The following NSMCE2 variants were observed in gnomAD, a reference collection of about 807,000 sequenced individuals.
NSMCE2 encodes E3 SUMO-protein ligase NSE2.
NSMCE2 carries 24 observed loss-of-function variants against 23.8 expected under a neutral mutation model. The observed-to-expected ratio is 1.01, with a 90% confidence interval of 0.73 to 1.42. The LOEUF (loss-of-function observed/expected upper bound fraction) is 1.42. Among genes scored for constraint, NSMCE2 ranks in the 40% most tolerant of loss-of-function variants. The pLI is 0.00. For missense variants in NSMCE2, 284 were observed against 296.5 expected, an observed-to-expected ratio of 0.96 and a Z score of 0.31; for synonymous variants, 92 against 94.1, an observed-to-expected ratio of 0.98 and a Z score of 0.13.
intron 5 of NSMCE2, among the ~76,000 whole-genome samples, chr8:125,332,577 T>C (rs535602444): frequency 6.6e-6 from 1 of 152,354 alleles, no homozygotes; most frequent in South Asian, 2.1e-4. Flanking sequence ...AACAGGTTCT[T>C]AGGTTAGTTC....
intron 5 of NSMCE2, among the ~76,000 whole-genome samples, chr8:125,302,694 G>A (rs541402627): frequency 6.6e-6 from 1 of 152,296 alleles, no homozygotes; most frequent in East Asian, 1.9e-4. Context: ...AAAGGACCCT[G>A]AGACAGAGGG....
chr8:125,098,833 C>T (rs1323162743), intron 1 of NSMCE2, among the ~76,000 whole-genome samples: 1 of 151,950 alleles, frequency 6.6e-6, no homozygotes, highest in Non-Finnish European at 1.5e-5. Context: ...GTGGGCCTTC[C>T]ATGTTGGACG....
At chr8:125,144,978 A>G (rs1295609759) in intron 3 of NSMCE2, among the ~76,000 whole-genome samples, 1 of 152,174 alleles carries the variant, frequency 6.6e-6, no homozygotes. Flanking sequence ...CTTAGATTGC[A>G]TAATTATAGG....
chr8:125,126,329 C>T (rs1473040090), intron 3 of NSMCE2, among the ~76,000 whole-genome samples: 2 of 151,544 alleles, frequency 1.3e-5, no homozygotes, highest in African/African-American at 4.9e-5. Context: ...CGAGATTGCG[C>T]CATAGCACTC....
chr8:125,196,393 C>G (rs1366397420), intron 5 of NSMCE2, among the ~76,000 whole-genome samples: 2 of 152,028 alleles, frequency 1.3e-5, no homozygotes, highest in Non-Finnish European at 2.9e-5. Flanking sequence ...GTGATGTTCC[C>G]CGCCCTGTGT....
At chr8:125,332,588 T>C (rs1215952496) in intron 5 of NSMCE2, among the ~76,000 whole-genome samples, 1 of 152,260 alleles carries the variant, frequency 6.6e-6, no homozygotes, top group Non-Finnish European at 1.5e-5. Context: ...AGGTTAGTTC[T>C]TTCCTTGTTA....
intron 5 of NSMCE2, among the ~76,000 whole-genome samples, chr8:125,196,452 A>G (rs1337817214): frequency 1.3e-5 from 2 of 151,868 alleles, no homozygotes; most frequent in Non-Finnish European, 2.9e-5. Flanking sequence ...GAACATGTGG[A>G]TTTGGTTTCC....
intron 5 of NSMCE2, among the ~76,000 whole-genome samples, chr8:125,183,634 G>GGTTGTGTGTGTGT (rs71515999): frequency 8.8e-5 from 13 of 147,588 alleles, no homozygotes; most frequent in African/African-American, 3.2e-4. Context: ...ATTACTCAGT[G>GGTTGTGTGTGTGT]GTGTGTGTGT....
intron 5 of NSMCE2, among the ~76,000 whole-genome samples, chr8:125,307,799 T>G (rs1828822021): frequency 6.6e-6 from 1 of 152,166 alleles, no homozygotes; most frequent in South Asian, 2.1e-4. Context: ...TTCAATTGCT[T>G]AAGAGTTAAA....
intron 7 of NSMCE2, 52 bp downstream of exon 7, chr8:125,357,870 G>T (rs1202203836): frequency 7.8e-7 from 1 of 1,275,616 alleles, no homozygotes; most frequent in Non-Finnish European, 1.1e-6. Flanking sequence ...TAGTTACTCA[G>T]AGGTGGCGTG....
At chr8:125,209,725 A>C (rs1824249665) in intron 5 of NSMCE2, among the ~76,000 whole-genome samples, 1 of 152,188 alleles carries the variant, frequency 6.6e-6, no homozygotes, top group African/African-American at 2.4e-5. Context: ...CTTGACTAAT[A>C]CTGTCTAACT....
At chr8:125,095,549 T>C (rs1817886159) in intron 1 of NSMCE2, among the ~76,000 whole-genome samples, 1 of 152,028 alleles carries the variant, frequency 6.6e-6, no homozygotes, top group Admixed American at 6.6e-5. Context: ...AGCATGATCA[T>C]GTCACTGCAC....
chr8:125,308,571 G>A (rs1252521510), intron 5 of NSMCE2, among the ~76,000 whole-genome samples: 1 of 152,190 alleles, frequency 6.6e-6, no homozygotes, highest in African/African-American at 2.4e-5. Flanking sequence ...GGTTGTATCT[G>A]GGGAAGGGAG....
rs774148323 is a variant in NSMCE2 at position 125,102,401 on chromosome 8, TCTC to T, written c.77_79del (p.Ser26del). ...TCCTTCAGTGGTGTAGAGTCTGCTC[TCTC>T]CTCCTTGAAAAACTTCCAAGCCTGT... is the stretch of plus-strand genomic sequence containing the variant. On this transcript the variant is annotated inframe_deletion, in exon 3 of 8. Coordinates refer to ENST00000287437, the MANE Select transcript of NSMCE2 (RefSeq NM_173685.4). 3.7e-6 allele frequency: 6 copies of T among 1,613,298 alleles called. No homozygotes were observed. The highest frequency in any genetic ancestry group is 1.3e-5 in the African/African-American group (1 of 74,996).
At chr8:125,189,619 G>A (rs1413665342) in intron 5 of NSMCE2, among the ~76,000 whole-genome samples, 1 of 152,122 alleles carries the variant, frequency 6.6e-6, no homozygotes, top group Non-Finnish European at 1.5e-5. Flanking sequence ...CATAGTTAAG[G>A]CAGTCTGATG....
At chr8:125,141,395 C>G (rs1378921340) in intron 3 of NSMCE2, among the ~76,000 whole-genome samples, 5 of 152,234 alleles carry the variant, frequency 3.3e-5, no homozygotes, top group Non-Finnish European at 7.3e-5. Context: ...AGTCCAGACA[C>G]TGGCATGTGC....
chr8:125,113,066 G>GC (rs1014342742), intron 3 of NSMCE2, among the ~76,000 whole-genome samples: 4 of 138,146 alleles, frequency 2.9e-5, no homozygotes, highest in Admixed American at 2.2e-4. Context: ...ATGGGGGGGG[G>GC]GGTGAGTCAA....
At chr8:125,200,033 T>G (rs1823795352) in intron 5 of NSMCE2, among the ~76,000 whole-genome samples, 1 of 152,200 alleles carries the variant, frequency 6.6e-6, no homozygotes, top group Non-Finnish European at 1.5e-5. Flanking sequence ...TTGATAGATC[T>G]TCCTCCATCC....
At chr8:125,248,817 G>A (rs1826094126) in intron 5 of NSMCE2, among the ~76,000 whole-genome samples, 1 of 152,216 alleles carries the variant, frequency 6.6e-6, no homozygotes, top group African/African-American at 2.4e-5. Context: ...TTACAGGGAA[G>A]GATATGGAGA....
Sources: allele counts gnomAD v4.1 joint callset (sites outside exome capture counted in the v4.1 genomes callset), GRCh38; gene constraint gnomAD v4.1.1; transcripts MANE v1.5; gene names NCBI Gene and HGNC (gene_info 2026-07-23, HGNC 2026-07-21).